The following SOX10 variants were observed in gnomAD, a reference collection of about 807,000 sequenced individuals.
SOX10 encodes SRY-box transcription factor 10, also known as transcription factor SOX-10.
A neutral mutation model predicts 35.0 loss-of-function variants in SOX10; 3 were observed. The observed-to-expected ratio is 0.09, with a 90% CI of 0.04 to 0.22. SOX10 has a LOEUF of 0.22. Ranked by LOEUF, SOX10 falls within the 10% of genes least tolerant of loss-of-function variation. The pLI, the probability that SOX10 is intolerant of heterozygous loss-of-function variation, is 1.00. For missense variants in SOX10, 436 were observed against 655.1 expected (o/e 0.67, Z 3.65); for synonymous variants, 285 against 291.0 (o/e 0.98, Z 0.21).
rs1176071852 is a variant in SOX10 at position 37,973,792 on chromosome 22, G to T, written c.1104C>A (p.His368Gln). ...TETAGPQGPP[H>Q]YTDQPSTSQI... Reference sequence around the variant, plus strand: ...GTGAGGTGGATGGCTGGTCGGTGTAGTGTGGGGGCCCCTGGGGCCCCGCGG... The same window carrying T: ...GTGAGGTGGATGGCTGGTCGGTGTATTGTGGGGGCCCCTGGGGCCCCGCGG... Residue 368 changes from histidine (H) to glutamine (Q), a missense_variant, in exon 4 of 4, where the codon CAC becomes CAA. Around this residue, in one of 3 missense-constraint regions of SOX10, gnomAD observed 285 missense variants for 402.9 expected, o/e 0.71. Coordinates refer to ENST00000396884, the MANE Select transcript of SOX10 (RefSeq NM_006941.4). The T allele has an allele frequency of 1.3e-6, 2 of 1,596,596 alleles. No homozygotes were observed. The highest frequency in any genetic ancestry group is 2.7e-5 in the African/African-American group (2 of 74,336).
At chr22:37,981,802 C>A (rs1932405830) in intron 2 of SOX10, among the ~76,000 whole-genome samples, 1 of 152,192 alleles carries the variant, frequency 6.6e-6, no homozygotes. Context: ...TGCTCTTGGG[C>A]AGAACTGGGC....
chr22:37,976,918 G>A (rs1375136495), intron 3 of SOX10, among the ~76,000 whole-genome samples: 1 of 152,128 alleles, frequency 6.6e-6, no homozygotes, highest in African/African-American at 2.4e-5. Flanking sequence ...AATGGCTGGT[G>A]GGATTTGGGA....
chr22:37,982,277 G>C (rs1387407389), intron 2 of SOX10, among the ~76,000 whole-genome samples: 1 of 152,162 alleles, frequency 6.6e-6, no homozygotes, highest in African/African-American at 2.4e-5. Flanking sequence ...TGACCTTTGT[G>C]ATTCCTTTGC....
rs775757190 is a variant in SOX10 at position 37,973,816 on chromosome 22, G to A, written c.1080C>T (p.Thr360=). The change falls in exon 4 of 4, where the codon ACC becomes ACT. Residue 360 remains threonine, a synonymous_variant. Transcript: ENST00000396884. ...AGTGTGGGGGCCCCTGGGGCCCCGC[G>A]GTCTCTGTCTTCACCTGGGCTTTGG... The part of the protein sequence containing the change: ...VDAKAQVKTE[T]AGPQGPPHYT... 36 of 1,599,776 alleles carry A rather than the reference G, an allele frequency of 2.3e-5. No individual in the cohort carries two copies. Among genetic ancestry groups the A allele is most frequent in the Admixed American group, 1.4e-4 (8 of 59,156 alleles).
In SOX10 at chr22:37,977,730, G is replaced by T. The variant is rs138370401; in HGVS notation, c.697+137C>A. On this transcript the variant is annotated intron_variant, in intron 3 of 3. Coordinates refer to ENST00000396884, the MANE Select transcript of SOX10 (RefSeq NM_006941.4). ...CGGAACCCCCATGGAGCTCCCTCTG[G>T]GCCCCTGCAGCTCTGCTGGGGCAAC... 411 of 935,296 alleles carry T rather than the reference G, an allele frequency of 4.4e-4. 1 individual carries two copies. The highest frequency in any genetic ancestry group is 1.4e-3 in the Middle Eastern group (4 of 2,852). The allele number at this position is 935,296 out of a possible 1,614,324, so 57.9% of individuals were successfully genotyped here. A position where few individuals can be genotyped will look rare whatever the true frequency, so the allele number is the denominator to read the frequency against.
chr22:37,975,977 A>T (rs536942519), intron 3 of SOX10, among the ~76,000 whole-genome samples: 1 of 152,004 alleles, frequency 6.6e-6, no homozygotes, highest in East Asian at 1.9e-4. Context: ...GTGCTGGGTC[A>T]TGCCTGTAAT....
At position 37,972,706 on chromosome 22, in the gene SOX10, G is replaced by T; in HGVS notation, c.*789C>A. The T allele has an allele frequency of 6.3e-6, 1 of 157,784 alleles. No individual in the cohort carries two copies. Among genetic ancestry groups the T allele is most frequent in the Non-Finnish European group, 1.4e-5 (1 of 71,114 alleles). 9.8% of individuals were successfully genotyped at this position (157,784 alleles called of 1,614,324 possible). A position where few individuals can be genotyped will look rare whatever the true frequency, so the allele number is the denominator to read the frequency against. ...TAGTAAGGGAAGAGGGAGCTGGCAA[G>T]GAGCCCAGGGAGGGAGGCTCTGTGA... On this transcript the variant is annotated 3_prime_UTR_variant, in exon 4 of 4. Transcript: ENST00000396884.
At chr22:37,975,944 T>C (rs774241848) in intron 3 of SOX10, among the ~76,000 whole-genome samples, 1 of 151,984 alleles carries the variant, frequency 6.6e-6, no homozygotes, top group Non-Finnish European at 1.5e-5. Flanking sequence ...ACTATATATA[T>C]AGTAAGAGAT....
At chr22:37,979,359 A>C (rs1374408968) in intron 2 of SOX10, among the ~76,000 whole-genome samples, 1 of 152,062 alleles carries the variant, frequency 6.6e-6, no homozygotes, top group Non-Finnish European at 1.5e-5. Flanking sequence ...TGGCCTCCCA[A>C]AGTGCTGAGA....
Position 37,978,014 on chromosome 22 carries a change from C to T in SOX10, c.550G>A (p.Ala184Thr), listed in dbSNP as rs747825443. Residue 184 changes from alanine (A) to threonine (T), a missense_variant, in exon 3 of 4, where the codon GCC becomes ACC. Coordinates refer to ENST00000396884, the MANE Select transcript of SOX10 (RefSeq NM_006941.4). The surrounding 1 kb of genome is among the most constrained non-coding windows in gnomAD (Gnocchi z 5.0). ...CCGGGGCACTCCGCCTCGCCCTGGG[C>T]GGCCTTCCCGTTCTTCCGCCGCCTG... Reference protein sequence around the residue: ...QPRRRKNGKAAQGEAECPGGE... With the variant: ...QPRRRKNGKATQGEAECPGGE... 38 of 1,611,522 alleles carry T rather than the reference C, an allele frequency of 2.4e-5. No homozygotes were observed. Among genetic ancestry groups the T allele is most frequent in the Middle Eastern group, 1.7e-4 (1 of 6,052 alleles).
Position 37,983,521 on chromosome 22 carries a change from C to T in SOX10, c.264G>A (p.Val88=). Residue 88 remains valine, a synonymous_variant, in exon 2 of 4, where the codon GTG becomes GTA. Coordinates refer to ENST00000396884, the MANE Select transcript of SOX10 (RefSeq NM_006941.4). This position sits in a 1 kb window ranked among gnomAD's most constrained non-coding sequence, Gnocchi z 9.5. ...QVLSGYDWTL[V]PMPVRVNGAS... ...CGCCGTTGACGCGCACGGGCATGGG[C>T]ACCAGCGTCCAGTCGTAGCCGCTGA... The T allele has an allele frequency of 1.2e-6, 2 of 1,610,346 alleles. No individual in the cohort carries two copies. Among genetic ancestry groups the T allele is most frequent in the Non-Finnish European group, 1.7e-6 (2 of 1,178,972 alleles).
intron 3 of SOX10, among the ~76,000 whole-genome samples, chr22:37,976,505 C>T (rs1336933038): frequency 1.3e-5 from 2 of 152,222 alleles, no homozygotes; most frequent in African/African-American, 4.8e-5. Flanking sequence ...GGACTCAGAG[C>T]GTGTCCTCTG....
intron 3 of SOX10, among the ~76,000 whole-genome samples, chr22:37,976,237 A>G (rs1932215767): frequency 2.6e-5 from 4 of 152,024 alleles, no homozygotes; most frequent in African/African-American, 9.7e-5. Context: ...AAAAACAAAA[A>G]CAAAAAAAAG....
chr22:37,981,707 G>A (rs1932401540), intron 2 of SOX10, among the ~76,000 whole-genome samples: 1 of 152,178 alleles, frequency 6.6e-6, no homozygotes, highest in Non-Finnish European at 1.5e-5. Flanking sequence ...CTTGCTCTTT[G>A]TCCCCTGGCA....
rs2145778005 is a variant in SOX10, at chr22:37,983,824, C to T, written c.-40G>A. 2.9e-6 allele frequency: 4 copies of T among 1,372,266 alleles called. No individual in the cohort carries two copies. The highest frequency in any genetic ancestry group is 3.8e-6 in the Non-Finnish European group (4 of 1,063,564). The allele number at this position is 1,372,266 out of a possible 1,614,324, so 85.0% of individuals were successfully genotyped here. On this transcript the variant is annotated 5_prime_UTR_variant, in exon 2 of 4. Transcript: ENST00000396884. This position sits in a 1 kb window ranked among gnomAD's most constrained non-coding sequence, Gnocchi z 9.5. ...CCGCCGCCGCCGCCTCGGCCGCCTC[C>T]CCCGGGCCAGCCGCCGGGGTCCTCG...
At chr22:37,975,473 G>C (rs577533127) in intron 3 of SOX10, among the ~76,000 whole-genome samples, 1 of 152,308 alleles carries the variant, frequency 6.6e-6, no homozygotes, top group Admixed American at 6.5e-5. Context: ...AGGGTCTCCT[G>C]ATGTGTGTGT....
chr22:37,981,626 C>T (rs1033992896), intron 2 of SOX10, among the ~76,000 whole-genome samples: 17 of 152,126 alleles, frequency 1.1e-4, no homozygotes, highest in African/African-American at 3.9e-4. Flanking sequence ...TCGTTGGGCT[C>T]GTACTGTGGT....
rs1932290971 is a variant in SOX10, at chr22:37,978,388, C to T, written c.429-253G>A. ...GGCTGGAGGGTGAGAGAGGGGTCAG[C>T]CCGCTGCTCCTGGCAGCCCCTGAGG... is the stretch of plus-strand genomic sequence containing the variant. On this transcript the variant is annotated intron_variant, in intron 2 of 3. Transcript: ENST00000396884. This position sits in a 1 kb window ranked among gnomAD's most constrained non-coding sequence, Gnocchi z 5.0. Among the ~76,000 whole-genome samples the T allele has an allele frequency of 2.0e-5, 3 of 152,346 alleles. No homozygotes were observed. The South Asian group carries it at 6.2e-4, about 32-fold the overall frequency.
rs930036145 is a variant in SOX10, at chr22:37,980,916, C to T, written c.428+2441G>A. On this transcript the variant is annotated intron_variant, in intron 2 of 3. Coordinates refer to ENST00000396884, the MANE Select transcript of SOX10 (RefSeq NM_006941.4). The surrounding 1 kb of genome is among the most constrained non-coding windows in gnomAD (Gnocchi z 4.1). ...ACTGGGAACAGAGGCTGGGTGACCC[C>T]CACCACACAGGAGGGACTCTTGCCT... Among the ~76,000 whole-genome samples the T allele has an allele frequency of 1.3e-5, 2 of 152,190 alleles. No homozygotes were observed. Among genetic ancestry groups the T allele is most frequent in the African/African-American group, 4.8e-5 (2 of 41,436 alleles).
Sources: gnomAD v4.1 joint callset for allele counts (sites outside exome capture counted in the v4.1 genomes callset) on GRCh38, gnomAD v4.1.1 for gene constraint, gnomAD v4.1.1 regional missense constraint, Gnocchi (gnomAD v3.1) non-coding constraint, MANE v1.5 for transcripts, NCBI Gene and HGNC (gene_info 2026-07-23, HGNC 2026-07-21) for gene names.